The following TNRC6B variants were observed in gnomAD, a reference collection of about 807,000 sequenced individuals.
TNRC6B encodes the protein trinucleotide repeat containing adaptor 6B, also known as trinucleotide repeat-containing gene 6B protein.
Under a neutral mutation model 203.6 loss-of-function variants are expected in TNRC6B, and 52 were observed. That is an observed-to-expected ratio of 0.26 (90% CI 0.20 to 0.32). The LOEUF (loss-of-function observed/expected upper bound fraction) is 0.32, where lower values mean the gene tolerates loss of function less well. Ranked by LOEUF, TNRC6B falls within the 10% of genes least tolerant of loss-of-function variation. TNRC6B has a pLI of 1.00. For synonymous variants in TNRC6B, 838 were observed against 845.7 expected, an observed-to-expected ratio of 0.99 and a Z score of 0.16; for missense variants, 1,923 against 2,286.2, an observed-to-expected ratio of 0.84 and a Z score of 3.24.
intron 3 of TNRC6B, among the ~76,000 whole-genome samples, chr22:40,145,331 C>T (rs997106591): frequency 2.7e-4 from 41 of 151,650 alleles, no homozygotes; most frequent in Admixed American, 6.6e-5. Flanking sequence ...AATTATACTT[C>T]AATTTAAAAA....
intron 4 of TNRC6B, among the ~76,000 whole-genome samples, chr22:40,158,200 G>A (rs373702564): frequency 4.6e-4 from 70 of 152,094 alleles, no homozygotes; most frequent in Non-Finnish European, 8.4e-4. Context: ...TTAGCCAGGC[G>A]TGGTGGCACA....
At chr22:40,128,259 G>A (rs1377856187) in intron 3 of TNRC6B, among the ~76,000 whole-genome samples, 1 of 151,978 alleles carries the variant, frequency 6.6e-6, no homozygotes, top group Non-Finnish European at 1.5e-5. Context: ...CATCTCGCAG[G>A]GGTCAGTCCA....
intron 3 of TNRC6B, among the ~76,000 whole-genome samples, chr22:40,255,578 G>A (rs962094616): frequency 2.0e-5 from 3 of 152,232 alleles, no homozygotes; most frequent in African/African-American, 7.2e-5. Context: ...CTGCCCCTAA[G>A]AGAGTGAATG....
intron 1 of TNRC6B, among the ~76,000 whole-genome samples, chr22:40,062,890 C>A (rs1288055442): frequency 1.3e-5 from 2 of 151,604 alleles, no homozygotes; most frequent in Admixed American, 1.3e-4. Context: ...GAAATTTTCT[C>A]CTAATCTGCA....
At chr22:40,154,858 A>AAAAT (rs1972602880) in intron 3 of TNRC6B, among the ~76,000 whole-genome samples, 1 of 34,308 alleles carries the variant, frequency 2.9e-5, no homozygotes. Context: ...AAAAAAAAAA[A>AAAAT]AAATATATAT....
chr22:40,129,295 C>T (rs977768270), intron 3 of TNRC6B, among the ~76,000 whole-genome samples: 5 of 152,154 alleles, frequency 3.3e-5, no homozygotes, highest in Non-Finnish European at 7.3e-5. Flanking sequence ...GCTGTTCACT[C>T]GAGGAGTGAT....
At position 40,330,249 on chromosome 22, in the gene TNRC6B, G is replaced by T. The variant is rs2071450664; in HGVS notation, c.*7008G>T. 1 of 152,118 alleles carries T rather than the reference G, an allele frequency of 6.6e-6. No individual in the cohort carries two copies. Among genetic ancestry groups the T allele is most frequent in the African/African-American group, 2.4e-5 (1 of 41,410 alleles). 9.4% of individuals were successfully genotyped at this position (152,118 alleles called of 1,614,324 possible). A position where few individuals can be genotyped will look rare whatever the true frequency, so the allele number is the denominator to read the frequency against. On this transcript the variant is annotated 3_prime_UTR_variant, in exon 23 of 23. Coordinates refer to ENST00000454349, the MANE Select transcript of TNRC6B (RefSeq NM_001162501.2). ...TGCTCACAGTAAGCTGCAAAAGAAA[G>T]TTGTCAAGGTGGCTTATGATGCTGT...
chr22:40,133,970 CAAAAAAAAAAAA>C (rs57924620), intron 3 of TNRC6B, among the ~76,000 whole-genome samples: 7 of 45,954 alleles, frequency 1.5e-4, no homozygotes, highest in Admixed American at 8.8e-4. Context: ...AGCTCCGTCT[CAAAAAAAAAAAA>C]AAAAAAAAAA....
At chr22:40,053,762 T>C (rs891467341) in intron 1 of TNRC6B, among the ~76,000 whole-genome samples, 1 of 152,258 alleles carries the variant, frequency 6.6e-6, no homozygotes, top group Non-Finnish European at 1.5e-5. Context: ...TGCAGAGTCT[T>C]AGTTTTTTCT....
chr22:40,315,232 C>T, intron 19 of TNRC6B, 51 bp from the exon 20 acceptor site: 1 of 1,496,116 alleles, frequency 6.7e-7, no homozygotes, highest in Non-Finnish European at 9.3e-7. Context: ...TATTTGTCAA[C>T]AAAAGTGAAC....
At chr22:40,067,310 T>C (rs915513843) in intron 1 of TNRC6B, among the ~76,000 whole-genome samples, 2 of 152,164 alleles carry the variant, frequency 1.3e-5, no homozygotes, top group Non-Finnish European at 2.9e-5. Flanking sequence ...TCCAGTAGCA[T>C]GAGCGCATAT....
intron 4 of TNRC6B, 146 bp from the exon 5 acceptor site, chr22:40,264,542 C>A: frequency 1.2e-6 from 1 of 822,100 alleles, no homozygotes; most frequent in Non-Finnish European, 1.8e-6. Context: ...ATGACTAAGA[C>A]AGTTGTGATA....
intron 1 of TNRC6B, among the ~76,000 whole-genome samples, chr22:40,244,590 C>T (rs1001073312): frequency 6.6e-6 from 1 of 151,972 alleles, no homozygotes; most frequent in African/African-American, 2.4e-5. Flanking sequence ...AACTTGAGTC[C>T]TTCGGGAACC....
At chr22:40,304,284 A>G (rs964359573) in intron 15 of TNRC6B, among the ~76,000 whole-genome samples, 1 of 152,202 alleles carries the variant, frequency 6.6e-6, no homozygotes, top group African/African-American at 2.4e-5. Context: ...TCTTTTGTAA[A>G]ACAGATGGTT....
At chr22:40,203,040 T>G (rs967954140) in intron 1 of TNRC6B, among the ~76,000 whole-genome samples, 1 of 152,152 alleles carries the variant, frequency 6.6e-6, no homozygotes, top group Non-Finnish European at 1.5e-5. Context: ...GGCTTCAGCC[T>G]TGCAGGTTGC....
intron 1 of TNRC6B, among the ~76,000 whole-genome samples, chr22:40,115,076 C>A (rs146026338): frequency 1.1e-4 from 17 of 152,150 alleles, no homozygotes; most frequent in Non-Finnish European, 2.2e-4. Flanking sequence ...GCCTACCTGT[C>A]CTCTACCTTA....
chr22:40,174,930 C>G (rs1414674727), upstream of TNRC6B, among the ~76,000 whole-genome samples: 2 of 151,902 alleles, frequency 1.3e-5, no homozygotes, highest in Admixed American at 1.3e-4. Flanking sequence ...AAATCTATCA[C>G]AGAATCTATT....
intron 19 of TNRC6B, among the ~76,000 whole-genome samples, chr22:40,314,174 C>T (rs929715031): frequency 6.6e-6 from 1 of 152,196 alleles, no homozygotes; most frequent in Admixed American, 6.5e-5. Context: ...TAAAACTGAA[C>T]CTATACTTCC....
intron 3 of TNRC6B, among the ~76,000 whole-genome samples, chr22:40,148,400 T>C (rs917778718): frequency 4.0e-5 from 6 of 151,664 alleles, no homozygotes; most frequent in East Asian, 3.9e-4. Context: ...TCTCCTGCCT[T>C]AGCCTCCTGA....
Sources: allele counts gnomAD v4.1 joint callset (sites outside exome capture counted in the v4.1 genomes callset), GRCh38; gene constraint gnomAD v4.1.1; transcripts MANE v1.5; gene names NCBI Gene and HGNC (gene_info 2026-07-23, HGNC 2026-07-21).